KIF13A: variants seen among roughly 807,000 people sequenced by gnomAD.
The protein encoded by KIF13A is kinesin family member 13A.
Under a neutral mutation model 212.2 loss-of-function variants are expected in KIF13A, and 79 were observed. The observed-to-expected ratio is 0.37, with a 90% confidence interval of 0.31 to 0.45. The LOEUF is 0.45. Among genes scored for constraint, KIF13A ranks in the 20% least tolerant of loss-of-function variants. The probability of loss-of-function intolerance (pLI) is 1.00; values close to 1 mark genes in which losing one functional copy is unlikely to be tolerated. For synonymous variants in KIF13A, 789 were observed against 808.6 expected, an observed-to-expected ratio of 0.98 and a Z score of 0.41; for missense variants, 1,901 against 2,209.0, an observed-to-expected ratio of 0.86 and a Z score of 2.79.
intron 9 of KIF13A, among the ~76,000 whole-genome samples, chr6:17,842,271 G>T (rs753115098): frequency 6.6e-6 from 1 of 151,730 alleles, no homozygotes; most frequent in African/African-American, 2.4e-5. Flanking sequence ...GGTTGGTCTC[G>T]AACACCTGGG....
In KIF13A at chr6:17,787,705, A is replaced by G. The variant is rs1761178378; in HGVS notation, c.3361+71T>C. ...AAGATACTACTGTCCAGTTAGGGGA[A>G]GAAAACGACCTACTGCCATTGTGTA... On this transcript the variant is annotated intron_variant, in intron 27 of 38. Coordinates refer to ENST00000259711, the MANE Select transcript of KIF13A (RefSeq NM_022113.6). The surrounding 1 kb of genome is among the most constrained non-coding windows in gnomAD (Gnocchi z 4.6). 1 of 877,694 alleles carries G rather than the reference A, an allele frequency of 1.1e-6. No homozygotes were observed. The highest frequency in any genetic ancestry group is 1.9e-6 in the Non-Finnish European group (1 of 517,272). The allele number at this position is 877,694 out of a possible 1,614,324, so 54.4% of individuals were successfully genotyped here.
chr6:17,766,972 T>C (rs1478182316), intron 38 of KIF13A, among the ~76,000 whole-genome samples: 2 of 152,252 alleles, frequency 1.3e-5, no homozygotes, highest in Non-Finnish European at 2.9e-5. Flanking sequence ...GTAAAGGAAT[T>C]GGTGATCCTA....
chr6:17,863,086 G>A (rs1009002036), intron 4 of KIF13A, among the ~76,000 whole-genome samples: 1 of 152,350 alleles, frequency 6.6e-6, no homozygotes, highest in Admixed American at 6.5e-5. Flanking sequence ...GACAGAGCAA[G>A]ACCCCATCTC....
At chr6:17,797,155 G>A (rs1306895393) in intron 22 of KIF13A, among the ~76,000 whole-genome samples, 8 of 151,638 alleles carry the variant, frequency 5.3e-5, no homozygotes, top group Non-Finnish European at 7.4e-5. Flanking sequence ...TCAGCCTCCC[G>A]AGTAGCTGGG....
intron 22 of KIF13A, among the ~76,000 whole-genome samples, chr6:17,797,485 C>T (rs1762145751): frequency 1.3e-5 from 2 of 152,178 alleles, no homozygotes; most frequent in African/African-American, 4.8e-5. Flanking sequence ...TAGACTAACT[C>T]AATGAACTGT....
chr6:17,925,363 A>C (rs200585254), intron 2 of KIF13A, among the ~76,000 whole-genome samples: 1 of 152,200 alleles, frequency 6.6e-6, no homozygotes, highest in Non-Finnish European at 1.5e-5. Context: ...AGGCTGTGGG[A>C]AGAGCTGATT....
Position 17,967,994 on chromosome 6 carries a change from T to G in KIF13A, c.146+19060A>C, listed in dbSNP as rs1779474798. Among the ~76,000 whole-genome samples, 1 of 152,168 alleles carries G rather than the reference T, an allele frequency of 6.6e-6. No individual in the cohort carries two copies. Among genetic ancestry groups the G allele is most frequent in the Non-Finnish European group, 1.5e-5 (1 of 68,032 alleles). ...CTGTAGACTGCCATTTTCACATGAC[T>G]TCCATTCCAATGTACATTCTTGGAC... On this transcript the variant is annotated intron_variant, in intron 2 of 38. Transcript: ENST00000259711. The surrounding 1 kb of genome is among the most constrained non-coding windows in gnomAD (Gnocchi z 4.1).
intron 4 of KIF13A, among the ~76,000 whole-genome samples, chr6:17,866,889 A>G (rs1298704402): frequency 7.1e-6 from 1 of 141,782 alleles, no homozygotes; most frequent in East Asian, 2.0e-4. Context: ...ACACACACAC[A>G]TATATATACA....
intron 2 of KIF13A, among the ~76,000 whole-genome samples, chr6:17,905,340 T>C (rs1021913708): frequency 6.6e-6 from 1 of 152,164 alleles, no homozygotes; most frequent in Admixed American, 6.5e-5. Flanking sequence ...TTTAGAGGAA[T>C]TAGGCATGGT....
At position 17,918,013 on chromosome 6, in the gene KIF13A, T is replaced by C. The variant is rs1213603090; in HGVS notation, c.147-19833A>G. ...GAGGCATTCCCTGACCTTCCTGTCC[T>C]GGAATTCTGTTTCCTCGTGGCACCT... On this transcript the variant is annotated intron_variant, in intron 2 of 38. Transcript: ENST00000259711. This position sits in a 1 kb window ranked among gnomAD's most constrained non-coding sequence, Gnocchi z 4.8. Among the ~76,000 whole-genome samples, 1 of 152,062 alleles carries C rather than the reference T, an allele frequency of 6.6e-6. No individual in the cohort carries two copies. The highest frequency in any genetic ancestry group is 2.4e-5 in the African/African-American group (1 of 41,410).
chr6:17,857,784 C>G (rs1330864301), intron 4 of KIF13A, among the ~76,000 whole-genome samples: 1 of 152,034 alleles, frequency 6.6e-6, no homozygotes, highest in African/African-American at 2.4e-5. Flanking sequence ...ACTGCCTGAC[C>G]CACTGTGAAG....
intron 4 of KIF13A, among the ~76,000 whole-genome samples, chr6:17,866,383 T>G (rs939021353): frequency 4.6e-5 from 7 of 152,112 alleles, no homozygotes; most frequent in Non-Finnish European, 1.0e-4. Context: ...AGGAGTCATA[T>G]TGAATGACTC....
chr6:17,874,830 T>C (rs1770356151), intron 3 of KIF13A, among the ~76,000 whole-genome samples: 1 of 151,938 alleles, frequency 6.6e-6, no homozygotes, highest in Non-Finnish European at 1.5e-5. Flanking sequence ...TCTGTCCTCA[T>C]AGCTTAGCTC....
chr6:17,833,488 C>T (rs887873650), intron 12 of KIF13A, among the ~76,000 whole-genome samples: 7 of 128,456 alleles, frequency 5.4e-5, no homozygotes, highest in African/African-American at 1.8e-4. Context: ...CAGAGGGAGA[C>T]CTTGTCTTCA....
At chr6:17,957,867 C>T (rs16880094) in intron 2 of KIF13A, among the ~76,000 whole-genome samples, 36,217 of 152,120 alleles carry the variant, frequency 0.24, 5,243 homozygotes, top group African/African-American at 0.41. Context: ...CATGGCCAGA[C>T]AGAGTTGTTT....
chr6:17,969,328 C>T (rs76428814), intron 2 of KIF13A, among the ~76,000 whole-genome samples: 10,446 of 152,242 alleles, frequency 0.069, 408 homozygotes, highest in Middle Eastern at 0.092. Flanking sequence ...GCTTTGTACT[C>T]TAGTTATTGG....
chr6:17,781,075 C>G (rs183964311), intron 30 of KIF13A, 102 bp downstream of exon 30: 1 of 1,475,636 alleles, frequency 6.8e-7, no homozygotes, highest in African/African-American at 1.4e-5. Context: ...TTAAAGTCCC[C>G]GGTCTTTTTC....
intron 16 of KIF13A, among the ~76,000 whole-genome samples, chr6:17,823,917 C>CTT (rs60400987): frequency 0.013 from 1,755 of 138,004 alleles, 49 homozygotes; most frequent in African/African-American, 0.042. Context: ...ATTTAAATTT[C>CTT]TTTTTTTTTT....
chr6:17,983,528 C>T (rs1581953815), intron 2 of KIF13A, among the ~76,000 whole-genome samples: 8 of 150,166 alleles, frequency 5.3e-5, no homozygotes, highest in Admixed American at 5.3e-4. Flanking sequence ...AGTCTCACTC[C>T]GTTGCCCAGG....
Sources: allele counts gnomAD v4.1 joint callset (sites outside exome capture counted in the v4.1 genomes callset), GRCh38; gene constraint gnomAD v4.1.1; non-coding constraint Gnocchi (gnomAD v3.1); transcripts MANE v1.5; gene names NCBI Gene and HGNC (gene_info 2026-07-23, HGNC 2026-07-21).